NCAPD3: variants seen among roughly 807,000 people sequenced by gnomAD.
The protein encoded by NCAPD3 is condensin-2 complex subunit D3.
A neutral mutation model predicts 182.9 loss-of-function variants in NCAPD3; 105 were observed. The observed-to-expected ratio is 0.57, with a 90% CI of 0.49 to 0.68. NCAPD3 has a LOEUF of 0.68. Among genes scored for constraint, NCAPD3 ranks in the 30% least tolerant of loss-of-function variants. NCAPD3 has a pLI of 0.00. For missense variants in NCAPD3, 1,944 were observed against 1,837.0 expected (o/e 1.06, Z -1.07); for synonymous variants, 815 against 679.9 (o/e 1.20, Z -3.09).
chr11:134,156,992 C>G, intron 32 of NCAPD3, 26 bp downstream of exon 32: 1 of 1,577,716 alleles, frequency 6.3e-7, no homozygotes, highest in Non-Finnish European at 8.7e-7. Flanking sequence ...TGAGGAGAAG[C>G]CCACGTGTTC....
chr11:134,206,623 C>T lies in NCAPD3; in HGVS notation c.992G>A (p.Arg331Lys). 2 of 1,613,328 alleles carry T rather than the reference C, an allele frequency of 1.2e-6. No individual in the cohort carries two copies. Among genetic ancestry groups the T allele is most frequent in the Non-Finnish European group, 1.7e-6 (2 of 1,179,766 alleles). The stretch of plus-strand genomic sequence containing the variant: ...CCTGATAAACTGGACCGCCTGGTTT[C>T]TACAGTTGATGACTTGGGAGGTAAC... ...LAVTSQVINC[R>K]NQAVQFISAL... is the part of the protein sequence containing the mutation. The change falls in exon 8 of 35, where the codon AGA (arginine) becomes AAA (lysine). Residue 331 changes from arginine to lysine, a missense_variant. By Grantham distance (26) the Arg-to-Lys change is conservative. Coordinates refer to ENST00000534548, the MANE Select transcript of NCAPD3 (RefSeq NM_015261.3).
At chr11:134,190,647 T>A (rs114203312) in intron 16 of NCAPD3, among the ~76,000 whole-genome samples, 1 of 152,036 alleles carries the variant, frequency 6.6e-6, no homozygotes. Flanking sequence ...CCACCACAAA[T>A]GGCTTTTTTT....
intron 24 of NCAPD3, among the ~76,000 whole-genome samples, chr11:134,171,384 C>T (rs976733645): frequency 1.3e-4 from 20 of 152,170 alleles, no homozygotes; most frequent in Non-Finnish European, 2.5e-4. Context: ...AAGGTAAGAG[C>T]CATGTGTCCA....
chr11:134,213,721 T>C (rs1486426337), intron 3 of NCAPD3, among the ~76,000 whole-genome samples: 1 of 149,982 alleles, frequency 6.7e-6, no homozygotes, highest in Non-Finnish European at 1.5e-5. Context: ...AGGTTACAAA[T>C]AAAAGCATGA....
In NCAPD3 at chr11:134,152,543, C is replaced by A. The variant is rs532814570; in HGVS notation, c.*401G>T. The A allele has an allele frequency of 6.3e-6, 1 of 157,686 alleles. No homozygotes were observed. The allele number at this position is 157,686 out of a possible 1,614,324, so 9.8% of individuals were successfully genotyped here. ...AGAAAAAATATTAGAATCAAAATTT[C>A]GTCATTACAGATGGGAAAATATGTA... is the stretch of plus-strand genomic sequence containing the variant. On this transcript the variant is annotated 3_prime_UTR_variant, in exon 35 of 35. Transcript: ENST00000534548.
intron 28 of NCAPD3, 96 bp downstream of exon 28, chr11:134,161,685 T>A (rs1350361638): frequency 2.7e-5 from 20 of 747,032 alleles, no homozygotes; most frequent in Non-Finnish European, 2.3e-6. Flanking sequence ...GGGGTTCTAA[T>A]CATTCACGGA....
At chr11:134,222,142 G>A (rs1938255053) in intron 1 of NCAPD3, among the ~76,000 whole-genome samples, 1 of 152,170 alleles carries the variant, frequency 6.6e-6, no homozygotes, top group African/African-American at 2.4e-5. Flanking sequence ...GAGAGTATAG[G>A]AGACACTGAG....
At position 134,204,301 on chromosome 11, in the gene NCAPD3, TAATA is replaced by T; in HGVS notation, c.1090-134_1090-131del. 1 of 1,014,368 alleles carries T rather than the reference TAATA, an allele frequency of 9.9e-7. No individual in the cohort carries two copies. The highest frequency in any genetic ancestry group is 1.4e-6 in the Non-Finnish European group (1 of 720,754). 62.8% of individuals were successfully genotyped at this position (1,014,368 alleles called of 1,614,324 possible). ...GACCTTTAAATGTTACGTAAATGAC[TAATA>T]AATTTTAGGTTTTAGAACACTTCAA... On this transcript the variant is annotated intron_variant, in intron 9 of 34. Transcript: ENST00000534548. The surrounding 1 kb of genome is among the most constrained non-coding windows in gnomAD (Gnocchi z 4.3).
Position 134,204,020 on chromosome 11 carries a change from A to C in NCAPD3, c.1215+26T>G. 1.2e-6 allele frequency: 2 copies of C among 1,609,902 alleles called. No homozygotes were observed. The highest frequency in any genetic ancestry group is 2.7e-5 in the African/African-American group (2 of 74,780). The stretch of plus-strand genomic sequence containing the variant: ...TTAAAAAGAGTTTAAAAAGGACCCA[A>C]GGTTTTATGCAGAGCTATCTCCTAC... On this transcript the variant is annotated intron_variant, in intron 10 of 34. Coordinates refer to ENST00000534548, the MANE Select transcript of NCAPD3 (RefSeq NM_015261.3). This position sits in a 1 kb window ranked among gnomAD's most constrained non-coding sequence, Gnocchi z 4.3.
In NCAPD3 at chr11:134,152,891, A is replaced by AGAC; in HGVS notation, c.*50_*52dup. The AGAC allele has an allele frequency of 7.2e-7, 1 of 1,393,444 alleles. No individual in the cohort carries two copies. Among genetic ancestry groups the AGAC allele is most frequent in the Non-Finnish European group, 9.8e-7 (1 of 1,022,806 alleles). The allele number at this position is 1,393,444 out of a possible 1,614,324, so 86.3% of individuals were successfully genotyped here. On this transcript the variant is annotated 3_prime_UTR_variant, in exon 35 of 35. Coordinates refer to ENST00000534548, the MANE Select transcript of NCAPD3 (RefSeq NM_015261.3). ...CAGCTGCCTTCACACGGAGGACACG[A>AGAC]GACTGCTTCCTCAAGGGCTCCTGCC...
chr11:134,152,944 T>C lies in NCAPD3; in HGVS notation c.4497A>G (p.Ter1499=), dbSNP rs747180381. 3.4e-5 allele frequency: 53 copies of C among 1,546,196 alleles called. No homozygotes were observed. The highest frequency in any genetic ancestry group is 3.4e-4 in the Admixed American group (17 of 50,672). ...LRKTPLKTAN[*] ...CCTGGACACTGGTGGGAGGCGCTGTTTAGTTGGCTGTTTTCAGAGGGGTCT... is the reference window on the plus strand; with the variant it reads ...CCTGGACACTGGTGGGAGGCGCTGTCTAGTTGGCTGTTTTCAGAGGGGTCT... Residue 1499 remains the stop codon, a stop_retained_variant, in exon 35 of 35, where the codon TAA becomes TAG. Coordinates refer to ENST00000534548, the MANE Select transcript of NCAPD3 (RefSeq NM_015261.3).
At chr11:134,167,068 G>A (rs113682984) in intron 27 of NCAPD3, among the ~76,000 whole-genome samples, 11 of 97,112 alleles carry the variant, frequency 1.1e-4, no homozygotes, top group East Asian at 3.5e-4. Context: ...AGATGAGCTT[G>A]GGGGAGCTGC....
rs530500951 is a variant in NCAPD3, at chr11:134,202,921, T to A, written c.1526-16A>T. 6.4e-7 allele frequency: 1 copy of A among 1,571,556 alleles called. No homozygotes were observed. ...TAGGAAAAAGCTTTAAAAAAAAAATTACAGTCATTAAGCTAAAAATGTGTT... is the reference window on the plus strand; with the variant it reads ...TAGGAAAAAGCTTTAAAAAAAAAATAACAGTCATTAAGCTAAAAATGTGTT... On this transcript the variant is annotated splice_polypyrimidine_tract_variant and intron_variant, in intron 12 of 34. Transcript: ENST00000534548.
intron 15 of NCAPD3, among the ~76,000 whole-genome samples, chr11:134,193,392 A>G (rs1452622841): frequency 6.6e-6 from 1 of 152,260 alleles, no homozygotes; most frequent in Non-Finnish European, 1.5e-5. Context: ...CTAATTGACT[A>G]AATTTAATCT....
intron 7 of NCAPD3, among the ~76,000 whole-genome samples, 196 bp downstream of exon 7, chr11:134,208,668 G>C (rs1489593919): frequency 6.6e-6 from 1 of 152,144 alleles, no homozygotes; most frequent in Non-Finnish European, 1.5e-5. Flanking sequence ...CAAGTATTCA[G>C]ATATAAAGTT....
chr11:134,191,225 C>A (rs1204767890), intron 16 of NCAPD3, among the ~76,000 whole-genome samples: 3 of 152,078 alleles, frequency 2.0e-5, no homozygotes, highest in African/African-American at 7.2e-5. Flanking sequence ...TTAAAGACCT[C>A]TGAAATAAAT....
chr11:134,157,560 A>T (rs939368600), intron 31 of NCAPD3, among the ~76,000 whole-genome samples: 2 of 152,238 alleles, frequency 1.3e-5, no homozygotes, highest in Non-Finnish European at 2.9e-5. Flanking sequence ...TTGGAAAGAA[A>T]AGTTCATGGA....
rs1943197242 is a variant in NCAPD3 at position 134,150,720 on chromosome 11, TACA to T, written c.*2221_*2223del. 6.6e-6 allele frequency: 1 copy of T among 151,916 alleles called. No homozygotes were observed. Among genetic ancestry groups the T allele is most frequent in the Non-Finnish European group, 1.5e-5 (1 of 67,960 alleles). The allele number at this position is 151,916 out of a possible 1,614,324, so 9.4% of individuals were successfully genotyped here. On this transcript the variant is annotated 3_prime_UTR_variant, in exon 35 of 35. Coordinates refer to ENST00000534548, the MANE Select transcript of NCAPD3 (RefSeq NM_015261.3). ...CAATTGCGAAATCAAGTCTGTCAAG[TACA>T]ATAACATTTTTAAAAGAAAATGGAT... is the stretch of plus-strand genomic sequence containing the variant.
At position 134,210,339 on chromosome 11, in the gene NCAPD3, A is replaced by C. The variant is rs1937787846; in HGVS notation, c.498T>G (p.Pro166=). ...TCCCGGGGTTAGCCTGAGAGCTCTT[A>C]GGCTGTTCTTTCTTTCTTTTCCGAT... ...NLNRKRKKEQ[P]KSSQANPGRH... The change falls in exon 4 of 35, where the codon CCT becomes CCG. Residue 166 remains proline (P), a synonymous_variant. Transcript: ENST00000534548. The C allele has an allele frequency of 6.2e-7, 1 of 1,614,048 alleles. No homozygotes were observed. Among genetic ancestry groups the C allele is most frequent in the South Asian group, 1.1e-5 (1 of 91,072 alleles).
Sources: gnomAD v4.1 joint callset for allele counts (sites outside exome capture counted in the v4.1 genomes callset) on GRCh38, gnomAD v4.1.1 for gene constraint, Gnocchi (gnomAD v3.1) non-coding constraint, MANE v1.5 for transcripts, NCBI Gene and HGNC (gene_info 2026-07-23, HGNC 2026-07-21) for gene names.